Variants in OTUD7B observed in about 807,000 individuals in gnomAD.
OTUD7B encodes the protein OTU domain-containing protein 7B.
In OTUD7B, 34 loss-of-function variants were observed where a neutral mutation model predicts 82.2. That is an observed-to-expected ratio of 0.41 (90% CI 0.31 to 0.55). The LOEUF is 0.55. OTUD7B is among the 20% of genes least tolerant of loss of function. OTUD7B has a pLI of 0.20. For synonymous variants in OTUD7B, 398 were observed against 402.7 expected, an observed-to-expected ratio of 0.99 and a Z score of 0.14; for missense variants, 944 against 1,062.1, an observed-to-expected ratio of 0.89 and a Z score of 1.55.
the OTUD7B span, among the ~76,000 whole-genome samples, chr1:150,059,509 A>G: frequency 1.3e-5 from 2 of 151,762 alleles, no homozygotes; most frequent in Non-Finnish European, 2.9e-5. Context: ...AGCTGGGATT[A>G]CAGGCATGCG....
intron 1 of OTUD7B, among the ~76,000 whole-genome samples, chr1:149,986,638 C>G (rs1000375756): frequency 6.6e-6 from 1 of 152,214 alleles, no homozygotes; most frequent in Non-Finnish European, 1.5e-5. Flanking sequence ...CTCTCCAACT[C>G]TTCCCATAAC....
the OTUD7B span, among the ~76,000 whole-genome samples, chr1:150,065,312 G>A: frequency 1.5e-4 from 23 of 152,134 alleles, no homozygotes; most frequent in African/African-American, 4.8e-4. Flanking sequence ...GGACTCAAAC[G>A]ATTGGCCTCG....
chr1:150,035,059 G>A, the OTUD7B span, among the ~76,000 whole-genome samples: 94 of 151,538 alleles, frequency 6.2e-4, 1 homozygote, highest in South Asian at 4.8e-3. Context: ...CAGGAGAATC[G>A]CTTGAACCCA....
Position 149,964,348 on chromosome 1 carries a change from T to C in OTUD7B, c.606A>G (p.Gly202=). The C allele has an allele frequency of 1.9e-6, 3 of 1,611,000 alleles. No homozygotes were observed. Among genetic ancestry groups the C allele is most frequent in the Non-Finnish European group, 2.5e-6 (3 of 1,178,964 alleles). The change falls in exon 6 of 12, where the codon GGA becomes GGG. Residue 202 remains glycine (G), a splice_region_variant and synonymous_variant. Coordinates refer to ENST00000581312, the MANE Select transcript of OTUD7B (RefSeq NM_020205.4). ...GNCLLHAASL[G]MWGFHDRDLM... ...AGTCCCGATCATGGAAACCCCACATTCCTGTGGCAAAAAAGCATAATGGTA... is the reference window on the plus strand; with the variant it reads ...AGTCCCGATCATGGAAACCCCACATCCCTGTGGCAAAAAAGCATAATGGTA...
intron 2 of OTUD7B, among the ~76,000 whole-genome samples, chr1:149,972,641 T>G (rs895303107): frequency 6.6e-5 from 10 of 152,226 alleles, no homozygotes; most frequent in African/African-American, 2.4e-4. Flanking sequence ...TTATTGACCC[T>G]CTCTCCTGCT....
At chr1:150,032,322 A>T in the OTUD7B span, among the ~76,000 whole-genome samples, 1 of 142,400 alleles carries the variant, frequency 7.0e-6, no homozygotes, top group East Asian at 2.1e-4. Flanking sequence ...CAAAAAAATA[A>T]AAGAAAAAAA....
chr1:149,998,820 T>C (rs1191708614), intron 1 of OTUD7B, among the ~76,000 whole-genome samples: 2 of 152,250 alleles, frequency 1.3e-5, no homozygotes, highest in African/African-American at 4.8e-5. Flanking sequence ...AGACAAGTCA[T>C]TTAAATTTTC....
intron 7 of OTUD7B, 114 bp from the exon 8 acceptor site, chr1:149,950,335 G>C (rs1648093749): frequency 9.4e-7 from 1 of 1,065,684 alleles, no homozygotes; most frequent in Non-Finnish European, 1.3e-6. Context: ...GTCCTTTCCT[G>C]GTTTTCCAAT....
At chr1:150,015,469 C>T (rs112894754), upstream of OTUD7B, among the ~76,000 whole-genome samples, 16,369 of 151,124 alleles carry the variant, frequency 0.11, 1,161 homozygotes, top group African/African-American at 0.2. Context: ...AATTTTTGTA[C>T]TTTTAGTAGA....
At chr1:149,982,741 T>G (rs180862855) in intron 1 of OTUD7B, among the ~76,000 whole-genome samples, 179 of 151,676 alleles carry the variant, frequency 1.2e-3, no homozygotes, top group African/African-American at 4.2e-3. Context: ...AACTCAAACC[T>G]GGACCCTGCC....
rs2092758031 is a variant in OTUD7B, at chr1:149,940,970, G to A, written c.*2887C>T. On this transcript the variant is annotated 3_prime_UTR_variant, in exon 12 of 12. Transcript: ENST00000581312. The stretch of plus-strand genomic sequence containing the variant: ...TCTCAGGGTCTCTCATCCTTAGAAT[G>A]GAGAGGTTTTTCAATGCCTCAATAA... The A allele has an allele frequency of 6.6e-6, 1 of 151,278 alleles. No homozygotes were observed. Among genetic ancestry groups the A allele is most frequent in the South Asian group, 2.1e-4 (1 of 4,802 alleles). 9.4% of individuals were successfully genotyped at this position (151,278 alleles called of 1,614,324 possible).
At chr1:149,966,820 A>G (rs3767628) in intron 4 of OTUD7B, among the ~76,000 whole-genome samples, 46,590 of 152,070 alleles carry the variant, frequency 0.31, 8,085 homozygotes, top group African/African-American at 0.46. Context: ...CTTATCCCAC[A>G]CAAGCATTTT....
At chr1:150,014,084 G>GTGTGTGTATATATATATATA (rs1336267152), upstream of OTUD7B, among the ~76,000 whole-genome samples, 2 of 30,386 alleles carry the variant, frequency 6.6e-5, no homozygotes, top group African/African-American at 1.7e-4. Flanking sequence ...GTGTGTGTGT[G>GTGTGTGTATATATATATATA]TATATATATA....
intron 9 of OTUD7B, 67 bp from the exon 10 acceptor site, chr1:149,949,150 A>G: frequency 1.1e-6 from 1 of 937,114 alleles, no homozygotes; most frequent in Non-Finnish European, 1.7e-6. Context: ...ACACAGACTT[A>G]TTTCACTAAA....
the OTUD7B span, among the ~76,000 whole-genome samples, chr1:150,058,529 T>C: frequency 3.3e-5 from 5 of 152,184 alleles, no homozygotes; most frequent in South Asian, 2.1e-4. Context: ...GGTGACCCTG[T>C]CTTGAAAAAT....
chr1:150,060,835 T>C, the OTUD7B span, among the ~76,000 whole-genome samples: 6 of 152,228 alleles, frequency 3.9e-5, no homozygotes, highest in Admixed American at 2.6e-4. Flanking sequence ...TGGTTCCCAG[T>C]GGCATCCCAC....
At chr1:150,063,758 G>A in the OTUD7B span, among the ~76,000 whole-genome samples, 1 of 152,140 alleles carries the variant, frequency 6.6e-6, no homozygotes, top group Non-Finnish European at 1.5e-5. Context: ...ATGATTTAAA[G>A]CTATTAAATG....
the OTUD7B span, among the ~76,000 whole-genome samples, chr1:150,038,079 A>C: frequency 6.7e-6 from 1 of 149,738 alleles, no homozygotes; most frequent in Non-Finnish European, 1.5e-5. Context: ...GGCTGGTCTC[A>C]AACTCCTGTG....
chr1:149,978,290 T>G (rs1356348056), intron 1 of OTUD7B, among the ~76,000 whole-genome samples: 1 of 152,320 alleles, frequency 6.6e-6, no homozygotes, highest in Admixed American at 6.5e-5. Context: ...GTGTATCACC[T>G]GAGGTCAGGA....
Sources: allele counts gnomAD v4.1 joint callset (sites outside exome capture counted in the v4.1 genomes callset), GRCh38; gene constraint gnomAD v4.1.1; transcripts MANE v1.5; gene names NCBI Gene and HGNC (gene_info 2026-07-23, HGNC 2026-07-21).